The following LINGO2 variants were observed in gnomAD, a reference collection of about 807,000 sequenced individuals.
LINGO2 encodes the protein leucine-rich repeat and immunoglobulin-like domain-containing nogo receptor-interacting protein 2.
LINGO2 carries 14 observed loss-of-function variants against 30.6 expected under a neutral mutation model. The ratio of observed to expected loss-of-function variants is 0.46; its 90% confidence interval spans 0.30 to 0.72. The LOEUF (loss-of-function observed/expected upper bound fraction) is 0.72. Ranked by LOEUF, LINGO2 falls within the 30% of genes least tolerant of loss-of-function variation. The pLI, the probability that LINGO2 is intolerant of heterozygous loss-of-function variation, is 0.07. For synonymous variants in LINGO2, 317 were observed against 288.5 expected, an observed-to-expected ratio of 1.10 and a Z score of -1.00; for missense variants, 729 against 751.7, an observed-to-expected ratio of 0.97 and a Z score of 0.35.
At chr9:29,202,695 C>T in the LINGO2 span, among the ~76,000 whole-genome samples, 1 of 152,014 alleles carries the variant, frequency 6.6e-6, no homozygotes, top group East Asian at 1.9e-4. Context: ...AAACTTCATA[C>T]CCTTCCTTGA....
At chr9:28,131,431 T>G (rs1290414970) in intron 4 of LINGO2, among the ~76,000 whole-genome samples, 1 of 152,180 alleles carries the variant, frequency 6.6e-6, no homozygotes, top group Non-Finnish European at 1.5e-5. Flanking sequence ...GGCAATAAAC[T>G]TAATCTCTTT....
At chr9:28,104,085 A>G (rs1427572579) in intron 4 of LINGO2, among the ~76,000 whole-genome samples, 1 of 152,022 alleles carries the variant, frequency 6.6e-6, no homozygotes, top group Non-Finnish European at 1.5e-5. Context: ...TGCTGGACAC[A>G]AAAAGCATCC....
intron 3 of LINGO2, among the ~76,000 whole-genome samples, chr9:28,314,101 A>AT (rs1824740851): frequency 6.6e-6 from 1 of 152,010 alleles, no homozygotes; most frequent in African/African-American, 2.4e-5. Context: ...CGCCCGGCTA[A>AT]TTTTTTGTAT....
intron 3 of LINGO2, among the ~76,000 whole-genome samples, chr9:28,359,803 T>G (rs994077693): frequency 6.6e-6 from 1 of 152,176 alleles, no homozygotes; most frequent in African/African-American, 2.4e-5. Flanking sequence ...TTAGCCAAAT[T>G]GCTTGACTTT....
chr9:28,167,087 G>A (rs1226328099), intron 4 of LINGO2, among the ~76,000 whole-genome samples: 3 of 151,270 alleles, frequency 2.0e-5, no homozygotes, highest in Non-Finnish European at 4.4e-5. Flanking sequence ...TACTGAGGAA[G>A]AGCCTCAAGG....
intron 4 of LINGO2, among the ~76,000 whole-genome samples, chr9:28,076,419 A>C (rs1825624835): frequency 6.6e-6 from 1 of 152,118 alleles, no homozygotes; most frequent in African/African-American, 2.4e-5. Flanking sequence ...AAAACATTTT[A>C]ATTCTGATCT....
At chr9:28,486,475 C>A (rs761702667) in intron 1 of LINGO2, among the ~76,000 whole-genome samples, 1 of 152,212 alleles carries the variant, frequency 6.6e-6, no homozygotes, top group African/African-American at 2.4e-5. Context: ...AAGATATTGT[C>A]TCCTGGAAAT....
At chr9:28,370,615 T>G (rs1820857151) in intron 3 of LINGO2, among the ~76,000 whole-genome samples, 1 of 152,222 alleles carries the variant, frequency 6.6e-6, no homozygotes, top group South Asian at 2.1e-4. Context: ...GTCAGGGAAG[T>G]AAAAGGGTTT....
At chr9:28,297,095 C>T (rs568071624) in intron 3 of LINGO2, among the ~76,000 whole-genome samples, 1 of 152,232 alleles carries the variant, frequency 6.6e-6, no homozygotes, top group South Asian at 2.1e-4. Context: ...TTCTAAGCTT[C>T]CAAACTGGGT....
the LINGO2 span, among the ~76,000 whole-genome samples, chr9:29,074,297 TC>T: frequency 0.2 from 29,951 of 152,002 alleles, 3,085 homozygotes; most frequent in African/African-American, 0.24. Context: ...TATATTGATG[TC>T]TTATCTATTG....
At chr9:28,912,514 C>G in the LINGO2 span, among the ~76,000 whole-genome samples, 1 of 151,994 alleles carries the variant, frequency 6.6e-6, no homozygotes, top group Non-Finnish European at 1.5e-5. Context: ...TGCTGCTCAC[C>G]CTGGAAGATA....
At chr9:28,099,363 C>T (rs986176083) in intron 4 of LINGO2, among the ~76,000 whole-genome samples, 4 of 152,052 alleles carry the variant, frequency 2.6e-5, no homozygotes, top group African/African-American at 7.2e-5. Context: ...TTTGTCTGTG[C>T]TTTCTTGTTT....
the LINGO2 span, among the ~76,000 whole-genome samples, chr9:28,984,555 T>C: frequency 6.6e-6 from 1 of 152,064 alleles, no homozygotes; most frequent in Non-Finnish European, 1.5e-5. Flanking sequence ...CATAAATTAC[T>C]ATTGTACTGT....
the LINGO2 span, among the ~76,000 whole-genome samples, chr9:29,013,322 G>A: frequency 6.6e-6 from 1 of 152,018 alleles, no homozygotes. Context: ...ACCTAACAAA[G>A]TACCTTACTC....
intron 5 of LINGO2, among the ~76,000 whole-genome samples, chr9:27,987,459 T>C (rs1821177845): frequency 6.6e-6 from 1 of 151,862 alleles, no homozygotes; most frequent in African/African-American, 2.4e-5. Flanking sequence ...AGCTAGTTGC[T>C]TTAAGTATAG....
chr9:28,883,613 A>G, the LINGO2 span, among the ~76,000 whole-genome samples: 2 of 71,252 alleles, frequency 2.8e-5, no homozygotes, highest in Admixed American at 3.7e-4. Context: ...AAATATATAT[A>G]AAATATGTGT....
the LINGO2 span, among the ~76,000 whole-genome samples, chr9:28,783,582 C>G: frequency 1.3e-5 from 2 of 152,010 alleles, no homozygotes; most frequent in Non-Finnish European, 2.9e-5. Flanking sequence ...GAACACAAAC[C>G]CCAGTGCCAA....
At chr9:29,205,317 G>A in the LINGO2 span, among the ~76,000 whole-genome samples, 2 of 152,164 alleles carry the variant, frequency 1.3e-5, no homozygotes, top group Admixed American at 6.6e-5. Context: ...GGGATTATAG[G>A]TGTGAGCCAC....
chr9:28,240,323 C>G (rs915245802), intron 4 of LINGO2, among the ~76,000 whole-genome samples: 5 of 152,038 alleles, frequency 3.3e-5, no homozygotes, highest in Non-Finnish European at 7.4e-5. Context: ...ATAGCCAAAG[C>G]CATCCTGAGT....
Sources: gnomAD v4.1 joint callset for allele counts (sites outside exome capture counted in the v4.1 genomes callset) on GRCh38, gnomAD v4.1.1 for gene constraint, MANE v1.5 for transcripts, NCBI Gene and HGNC (gene_info 2026-07-23, HGNC 2026-07-21) for gene names.